CA5A: variants seen among roughly 807,000 people sequenced by gnomAD.
The protein encoded by CA5A is carbonic anhydrase 5A, also known as carbonic anhydrase 5A, mitochondrial.
Under a neutral mutation model 37.1 loss-of-function variants are expected in CA5A, and 28 were observed. The observed-to-expected ratio is 0.75, with a 90% CI of 0.56 to 1.03. CA5A has a LOEUF of 1.03. Among genes scored for constraint, CA5A ranks in the 50% least tolerant of loss-of-function variants. The pLI is 0.00. For synonymous variants in CA5A, 171 were observed against 158.4 expected, an observed-to-expected ratio of 1.08 and a Z score of -0.60; for missense variants, 444 against 399.9, an observed-to-expected ratio of 1.11 and a Z score of -0.94.
chr16:87,912,684 G>C (rs1349432757), intron 2 of CA5A, among the ~76,000 whole-genome samples: 2 of 152,268 alleles, frequency 1.3e-5, no homozygotes, highest in African/African-American at 4.8e-5. Flanking sequence ...TGAGAGGTGA[G>C]AGTGTGGGCT....
chr16:87,901,997 G>C, intron 4 of CA5A, 23 bp from the exon 5 acceptor site: 1 of 1,610,334 alleles, frequency 6.2e-7, no homozygotes, highest in Non-Finnish European at 8.5e-7. Flanking sequence ...CAAAGGAGGG[G>C]TTAGCTGCAA....
chr16:87,891,992 G>C, intron 5 of CA5A, 38 bp from the exon 6 acceptor site: 2 of 1,491,536 alleles, frequency 1.3e-6, no homozygotes, highest in Non-Finnish European at 1.8e-6. Context: ...TCAGTCCTCA[G>C]GGGAGACTAG....
At chr16:87,910,218 G>C (rs896144978) in intron 2 of CA5A, among the ~76,000 whole-genome samples, 2 of 152,234 alleles carry the variant, frequency 1.3e-5, no homozygotes, top group African/African-American at 2.4e-5. Flanking sequence ...TCCTGTCCAT[G>C]AGCTCACGTC....
intron 2 of CA5A, among the ~76,000 whole-genome samples, chr16:87,926,497 A>G (rs551987836): frequency 6.6e-6 from 1 of 152,294 alleles, no homozygotes; most frequent in South Asian, 2.1e-4. Flanking sequence ...TTTCTTTGCT[A>G]GGTGCACCTG....
chr16:87,936,237 C>T, intron 1 of CA5A, 72 bp downstream of exon 1: 2 of 1,054,660 alleles, frequency 1.9e-6, no homozygotes, highest in Non-Finnish European at 2.9e-6. Context: ...TCTCTCCTCT[C>T]TCCTCTCGAA....
intron 4 of CA5A, 55 bp from the exon 5 acceptor site, chr16:87,902,029 G>T: frequency 6.8e-7 from 1 of 1,462,352 alleles, no homozygotes; most frequent in Non-Finnish European, 9.6e-7. Context: ...GGGGGGGGAA[G>T]CTCACTCCAC....
rs542372792 is a variant in CA5A at position 87,930,686 on chromosome 16, A to G, written c.143-3741T>C. Among the ~76,000 whole-genome samples, 82 of 149,068 alleles carry G rather than the reference A, an allele frequency of 5.5e-4. No individual in the cohort carries two copies. The South Asian group carries it at 6.4e-3, about 12-fold the overall frequency. On this transcript the variant is annotated intron_variant, in intron 1 of 6. Coordinates refer to ENST00000649794, the MANE Select transcript of CA5A (RefSeq NM_001739.2). ...GGTGGTTCTGAGAGGGGCTGCTGCT[A>G]CCCCACTGGGCAGGAGAGGGAGCCC...
chr16:87,923,643 G>T (rs933199588), intron 2 of CA5A: 24 of 985,300 alleles, frequency 2.4e-5, no homozygotes, highest in Non-Finnish European at 2.9e-5. Flanking sequence ...CTGGGTGTCA[G>T]CTCAGGGTCA....
At position 87,888,468 on chromosome 16, in the gene CA5A, G is replaced by A. The variant is rs140168299; in HGVS notation, c.775-196C>T. On this transcript the variant is annotated intron_variant, in intron 6 of 6. Coordinates refer to ENST00000649794, the MANE Select transcript of CA5A (RefSeq NM_001739.2). Reference sequence around the variant, plus strand: ...TTGCCGCTTCCGCCTTGGTCTTTAGGATCACTTGCTCTGGGGGGAAGCTGG... The same window carrying A: ...TTGCCGCTTCCGCCTTGGTCTTTAGAATCACTTGCTCTGGGGGGAAGCTGG... Among the ~76,000 whole-genome samples the A allele has an allele frequency of 8.2e-4, 125 of 152,236 alleles. 1 individual carries two copies. In the East Asian group the frequency reaches 0.019, roughly 23 times the overall value.
In CA5A at chr16:87,888,065, A is replaced by T; in HGVS notation, c.*64T>A. 2.0e-6 allele frequency: 3 copies of T among 1,524,010 alleles called. No homozygotes were observed. In the African/African-American group the frequency reaches 4.2e-5, roughly 21 times the overall value. The allele number at this position is 1,524,010 out of a possible 1,614,324, so 94.4% of individuals were successfully genotyped here. On this transcript the variant is annotated 3_prime_UTR_variant, in exon 7 of 7. Transcript: ENST00000649794. ...GAAGTCATGTACAATCACATTGTGAAACTTGGGAAACAACGCTTCCTTCCT... is the reference window on the plus strand; with the variant it reads ...GAAGTCATGTACAATCACATTGTGATACTTGGGAAACAACGCTTCCTTCCT...
rs1424959423 is a variant in CA5A, at chr16:87,922,872, T to C, written c.340+3876A>G. 3.9e-5 allele frequency among the ~76,000 whole-genome samples: 6 copies of C among 152,384 alleles called. No individual in the cohort carries two copies. The South Asian group carries it at 6.2e-4, about 16-fold the overall frequency. On this transcript the variant is annotated intron_variant, in intron 2 of 6. Coordinates refer to ENST00000649794, the MANE Select transcript of CA5A (RefSeq NM_001739.2). ...TTCTTTGCAGAGCACGGAGTCCCATTGGGAGGCCTCTGTGGCCTCTGGCCG... is the reference window on the plus strand; with the variant it reads ...TTCTTTGCAGAGCACGGAGTCCCATCGGGAGGCCTCTGTGGCCTCTGGCCG...
At chr16:87,902,047 ACAC>A (rs2055886516) in intron 4 of CA5A, 73 bp from the exon 5 acceptor site, 1 of 1,346,426 alleles carries the variant, frequency 7.4e-7, no homozygotes, top group African/African-American at 1.4e-5. Flanking sequence ...CACTGTAAAT[ACAC>A]CACGTTTTAA....
chr16:87,898,101 ACCGTGG>A (rs1352934932), intron 5 of CA5A, among the ~76,000 whole-genome samples: 1 of 152,172 alleles, frequency 6.6e-6, no homozygotes, highest in Non-Finnish European at 1.5e-5. Flanking sequence ...CCAGGGAGTG[ACCGTGG>A]CAGGCATTCC....
Position 87,902,494 on chromosome 16 carries a change from C to T in CA5A, c.486G>A (p.Val162=). The change falls in exon 4 of 7, where the codon GTG becomes GTA. Residue 162 remains valine (V), a synonymous_variant. Coordinates refer to ENST00000649794, the MANE Select transcript of CA5A (RefSeq NM_001739.2). ...CAGCTTCCTTGTAATTTTGGTATTTCACAGAATTCCAGTGAACTAAATGCA... is the reference window on the plus strand; with the variant it reads ...CAGCTTCCTTGTAATTTTGGTATTTTACAGAATTCCAGTGAACTAAATGCA... ...AELHLVHWNS[V]KYQNYKEAVV... 3 of 1,604,468 alleles carry T rather than the reference C, an allele frequency of 1.9e-6. No homozygotes were observed. The highest frequency in any genetic ancestry group is 1.7e-6 in the Non-Finnish European group (2 of 1,171,258).
chr16:87,891,956 T>C lies in CA5A; in HGVS notation c.619-2A>G. On this transcript the variant is annotated splice_acceptor_variant, in intron 5 of 6. Coordinates refer to ENST00000649794, the MANE Select transcript of CA5A (RefSeq NM_001739.2). LOFTEE classifies it high-confidence loss of function. ...GGGGCGCATGGCCGCCCGCGCGTCC[T>C]GAGAGACCGAGAAGCACAGGACGTG... 1 of 1,530,908 alleles carries C rather than the reference T, an allele frequency of 6.5e-7. No homozygotes were observed. Among genetic ancestry groups the C allele is most frequent in the Non-Finnish European group, 8.8e-7 (1 of 1,140,208 alleles). The allele number at this position is 1,530,908 out of a possible 1,614,324, so 94.8% of individuals were successfully genotyped here.
chr16:87,922,621 A>G (rs557966630), intron 2 of CA5A, among the ~76,000 whole-genome samples: 16 of 152,278 alleles, frequency 1.1e-4, no homozygotes, highest in Non-Finnish European at 2.2e-4. Flanking sequence ...TGCCGACCTC[A>G]AGGCCCACTG....
intron 5 of CA5A, among the ~76,000 whole-genome samples, chr16:87,896,632 T>C (rs1314948398): frequency 6.6e-6 from 1 of 152,138 alleles, no homozygotes; most frequent in African/African-American, 2.4e-5. Flanking sequence ...CTTGTTCCAC[T>C]TTTCTTTTAT....
intron 3 of CA5A, among the ~76,000 whole-genome samples, chr16:87,903,832 T>A (rs2055916836): frequency 6.6e-6 from 1 of 152,194 alleles, no homozygotes; most frequent in South Asian, 2.1e-4. Context: ...GCAAAAATGA[T>A]CATCACAGGA....
intron 5 of CA5A, among the ~76,000 whole-genome samples, chr16:87,894,860 C>G (rs564946567): frequency 5.3e-5 from 8 of 152,002 alleles, no homozygotes; most frequent in East Asian, 1.9e-4. Context: ...GCCTGGGCAA[C>G]AGAGAGAGAG....
Sources: allele counts gnomAD v4.1 joint callset (sites outside exome capture counted in the v4.1 genomes callset), GRCh38; gene constraint gnomAD v4.1.1; transcripts MANE v1.5; gene names NCBI Gene and HGNC (gene_info 2026-07-23, HGNC 2026-07-21).